Variants in HEATR4 observed in about 807,000 individuals in gnomAD.
HEATR4 encodes HEAT repeat-containing protein 4.
A neutral mutation model predicts 108.8 loss-of-function variants in HEATR4; 95 were observed. That is an observed-to-expected ratio of 0.87 (90% CI 0.74 to 1.04). HEATR4 has a LOEUF of 1.04. HEATR4 is among the 50% of genes least tolerant of loss of function. The pLI is 0.00. For missense variants in HEATR4, 1,152 were observed against 1,253.8 expected, an observed-to-expected ratio of 0.92 and a Z score of 1.23; for synonymous variants, 443 against 459.4, an observed-to-expected ratio of 0.96 and a Z score of 0.46.
At chr14:73,573,369 T>C in the HEATR4 span, 1 of 1,613,674 alleles carries the variant, frequency 6.2e-7, no homozygotes, top group Non-Finnish European at 8.5e-7. Context: ...TTTTGCATTT[T>C]GTTTTGTTTC....
the HEATR4 span, among the ~76,000 whole-genome samples, chr14:73,568,604 T>G: frequency 1.1e-4 from 16 of 151,802 alleles, no homozygotes; most frequent in South Asian, 3.3e-3. Context: ...GGGACAATAA[T>G]TGAGAAACCA....
intron 2 of HEATR4, among the ~76,000 whole-genome samples, chr14:73,525,951 T>C (rs1433603992): frequency 2.0e-4 from 14 of 70,186 alleles, no homozygotes; most frequent in Non-Finnish European, 4.7e-4. Context: ...AGACTCCTTA[T>C]TTAAAAAAAA....
chr14:73,563,582 G>A (rs541297630), upstream of HEATR4, among the ~76,000 whole-genome samples: 51 of 151,930 alleles, frequency 3.4e-4, no homozygotes, highest in Non-Finnish European at 6.6e-4. Context: ...GGGATAGAGC[G>A]AGACTCCAAA....
chr14:73,478,803 A>G lies in HEATR4; in HGVS notation c.2884T>C (p.Ser962Pro), dbSNP rs750666419. 1.2e-6 allele frequency: 2 copies of G among 1,611,062 alleles called. No individual in the cohort carries two copies. The highest frequency in any genetic ancestry group is 2.2e-5 in the South Asian group (2 of 91,046). Residue 962 changes from serine to proline, a missense_variant, in exon 18 of 18, where the codon TCA (serine) becomes CCA (proline). Transcript: ENST00000553558. ...PRAPNPWLQS[S>P]VPGLTTRSKV... is the part of the protein sequence containing the mutation. ...CTTCGTGTGGTTAGGCCTGGGACTG[A>G]ACTTTGTAACCAGGGATTTGGTGCG...
At chr14:73,568,117 G>C in the HEATR4 span, 1 of 152,036 alleles carries the variant, frequency 6.6e-6, no homozygotes, top group Non-Finnish European at 1.5e-5. Flanking sequence ...CATACTTGAG[G>C]TGTTATACAA....
rs1195925604 is a variant in HEATR4 at position 73,509,006 on chromosome 14, A to G, written c.1720+306T>C. On this transcript the variant is annotated intron_variant, in intron 8 of 17. Transcript: ENST00000553558. ...CTCAGCCTCCTAGGTAGCTGGGTCTACAGGAGCACACCACCGCACCTGGCT... is the reference window on the plus strand; with the variant it reads ...CTCAGCCTCCTAGGTAGCTGGGTCTGCAGGAGCACACCACCGCACCTGGCT... Among the ~76,000 whole-genome samples, 4 of 151,878 alleles carry G rather than the reference A, an allele frequency of 2.6e-5. 1 individual carries two copies. Among genetic ancestry groups the G allele is most frequent in the South Asian group, 2.1e-4 (1 of 4,798 alleles).
rs533140397 is a variant in HEATR4, at chr14:73,514,025, A to C, written c.1414+6T>G. On this transcript the variant is annotated splice_donor_region_variant and intron_variant, in intron 6 of 17. Coordinates refer to ENST00000553558, the MANE Select transcript of HEATR4 (RefSeq NM_001220484.1). The stretch of plus-strand genomic sequence containing the variant: ...GTACAGTATCACAGGACCTCCCTTC[A>C]CTCACTCAGAGCCCAGGCAGTCTTC... The C allele has an allele frequency of 2.0e-4, 326 of 1,613,736 alleles. 7 individuals are homozygous for C. The South Asian group carries it at 3.3e-3, about 16-fold the overall frequency.
At chr14:73,567,416 C>T in the HEATR4 span, among the ~76,000 whole-genome samples, 1 of 152,032 alleles carries the variant, frequency 6.6e-6, no homozygotes. Context: ...TGTAAATGCA[C>T]CAATCAGCAC....
intron 16 of HEATR4, among the ~76,000 whole-genome samples, chr14:73,493,993 C>A (rs1263720865): frequency 6.6e-6 from 1 of 152,156 alleles, no homozygotes; most frequent in East Asian, 1.9e-4. Context: ...TATGTTTTTG[C>A]TCACTGTTTG....
intron 1 of HEATR4, among the ~76,000 whole-genome samples, chr14:73,533,850 C>T (rs1219517957): frequency 2.1e-5 from 2 of 96,122 alleles, no homozygotes; most frequent in Non-Finnish European, 4.3e-5. Context: ...AGTTCGAGAC[C>T]AGTCTGGGCA....
Position 73,492,372 on chromosome 14 carries a change from G to A in HEATR4, c.2844+694C>T. Reference sequence around the variant, plus strand: ...ATGGAAGAAAATGTGGAGTTTCGGAGGGGTCTGCCCCGAGACTTCATGGAT... The same window carrying A: ...ATGGAAGAAAATGTGGAGTTTCGGAAGGGTCTGCCCCGAGACTTCATGGAT... On this transcript the variant is annotated intron_variant, in intron 17 of 17. Transcript: ENST00000553558. This position sits in a 1 kb window ranked among gnomAD's most constrained non-coding sequence, Gnocchi z 4.9. 6.2e-7 allele frequency: 1 copy of A among 1,613,908 alleles called. No individual in the cohort carries two copies. Among genetic ancestry groups the A allele is most frequent in the Non-Finnish European group, 8.5e-7 (1 of 1,179,824 alleles).
intron 14 of HEATR4, among the ~76,000 whole-genome samples, chr14:73,497,813 A>G (rs1293469670): frequency 6.6e-6 from 1 of 151,868 alleles, no homozygotes; most frequent in East Asian, 1.9e-4. Context: ...TTTAGTAGAG[A>G]CAGGGTTTCT....
chr14:73,612,426 A>G, the HEATR4 span: 2 of 486,098 alleles, frequency 4.1e-6, no homozygotes, highest in Non-Finnish European at 6.6e-6. Context: ...CGCCCCACGC[A>G]GCGGCCTGGA....
intron 5 of HEATR4, among the ~76,000 whole-genome samples, chr14:73,518,406 A>G (rs1024627403): frequency 6.6e-6 from 1 of 151,782 alleles, no homozygotes; most frequent in Non-Finnish European, 1.5e-5. Flanking sequence ...TCTGTCTCCA[A>G]AAAAAGAAAA....
At chr14:73,591,865 G>GGGACGCC in the HEATR4 span, 5 of 1,222,018 alleles carry the variant, frequency 4.1e-6, no homozygotes, top group Non-Finnish European at 5.3e-6. Flanking sequence ...CCGGCACCAG[G>GGGACGCC]GGACGCCGGA....
intron 17 of HEATR4, chr14:73,491,070 G>A (rs1399837015): frequency 6.3e-7 from 1 of 1,594,696 alleles, no homozygotes; most frequent in Non-Finnish European, 8.5e-7. Flanking sequence ...CGGCCGAAGC[G>A]CCGGCGCAAG....
At chr14:73,620,909 A>G in the HEATR4 span, among the ~76,000 whole-genome samples, 4 of 151,106 alleles carry the variant, frequency 2.6e-5, no homozygotes, top group South Asian at 8.4e-4. Context: ...ACATTTACTC[A>G]AGACTTCTCC....
At chr14:73,564,000 C>G in the HEATR4 span, among the ~76,000 whole-genome samples, 1 of 150,930 alleles carries the variant, frequency 6.6e-6, no homozygotes, top group Non-Finnish European at 1.5e-5. Flanking sequence ...GACCTAGTCT[C>G]TAAAAAAATA....
intron 5 of HEATR4, among the ~76,000 whole-genome samples, chr14:73,518,482 T>C (rs1887769250): frequency 6.6e-6 from 1 of 151,978 alleles, no homozygotes; most frequent in African/African-American, 2.4e-5. Context: ...ATCTGAACAG[T>C]AATCCTACAA....
Sources: gnomAD v4.1 joint callset for allele counts (sites outside exome capture counted in the v4.1 genomes callset) on GRCh38, gnomAD v4.1.1 for gene constraint, Gnocchi (gnomAD v3.1) non-coding constraint, MANE v1.5 for transcripts, NCBI Gene and HGNC (gene_info 2026-07-23, HGNC 2026-07-21) for gene names.